The following MAST1 variants were observed in gnomAD, a reference collection of about 807,000 sequenced individuals.
MAST1 encodes microtubule associated serine/threonine kinase 1, also known as microtubule-associated serine/threonine-protein kinase 1.
MAST1 carries 40 observed loss-of-function variants against 124.6 expected under a neutral mutation model. The observed-to-expected ratio is 0.32, with a 90% CI of 0.25 to 0.42. MAST1 has a LOEUF of 0.42. Ranked by LOEUF, MAST1 falls within the 10% of genes least tolerant of loss-of-function variation. The probability of loss-of-function intolerance (pLI) is 1.00; values close to 1 mark genes in which losing one functional copy is unlikely to be tolerated. For synonymous variants in MAST1, 938 were observed against 939.4 expected, an observed-to-expected ratio of 1.00 and a Z score of 0.03; for missense variants, 1,558 against 2,181.9, an observed-to-expected ratio of 0.71 and a Z score of 5.70.
At chr19:12,848,143 T>G in intron 7 of MAST1, 86 bp downstream of exon 7, 2 of 1,240,348 alleles carry the variant, frequency 1.6e-6, no homozygotes, top group Non-Finnish European at 2.3e-6. Context: ...CCCACATACA[T>G]TCAGGGAGCT....
At chr19:12,856,079 T>G (rs1418402093) in intron 10 of MAST1, among the ~76,000 whole-genome samples, 1 of 152,102 alleles carries the variant, frequency 6.6e-6, no homozygotes, top group East Asian at 1.9e-4. Flanking sequence ...TTCTGTCAAT[T>G]TTTATGTCAG....
chr19:12,854,849 G>A (rs1450506434), intron 10 of MAST1, among the ~76,000 whole-genome samples: 1 of 152,170 alleles, frequency 6.6e-6, no homozygotes, highest in Non-Finnish European at 1.5e-5. Flanking sequence ...TCCCAGGCCA[G>A]CCACACTTTG....
Position 12,869,283 on chromosome 19 carries a change from C to CG in MAST1, c.2991_2992insG (p.His998AlafsTer38). On this transcript the variant is annotated frameshift_variant, in exon 22 of 26. Coordinates refer to ENST00000251472, the MANE Select transcript of MAST1 (RefSeq NM_014975.3). LOFTEE classifies it high-confidence loss of function. ...GTGACACGGATGTCTATAGTGTCCA[C>CG]CACATTGTCTGGGTGAGTACTCATG... 6.2e-7 allele frequency: 1 copy of CG among 1,613,712 alleles called. No homozygotes were observed. Among genetic ancestry groups the CG allele is most frequent in the Non-Finnish European group, 8.5e-7 (1 of 1,179,804 alleles).
At chr19:12,848,136 A>C (rs1969919328) in intron 7 of MAST1, 79 bp downstream of exon 7, 2 of 1,300,810 alleles carry the variant, frequency 1.5e-6, no homozygotes, top group Non-Finnish European at 2.1e-6. Context: ...TCTTCACCCC[A>C]CATACATTCA....
Position 12,858,625 on chromosome 19 carries a change from C to T in MAST1, c.1252C>T (p.Gln418Ter). ...QNLILRNQIQ[Q>*]AFVERDILTF... ...CTTGATCCTCCGCAACCAGATCCAG[C>T]AGGCCTTTGTGGAGCGCGATATCCT... The change falls in exon 12 of 26, where the codon CAG becomes TAG. Residue 418 changes from glutamine (Q) to a stop codon, truncating the protein, a stop_gained. Transcript: ENST00000251472. LOFTEE classifies it high-confidence loss of function. 6.2e-7 allele frequency: 1 copy of T among 1,614,262 alleles called. No individual in the cohort carries two copies. Among genetic ancestry groups the T allele is most frequent in the Non-Finnish European group, 8.5e-7 (1 of 1,180,050 alleles).
chr19:12,869,276 G>T lies in MAST1; in HGVS notation c.2984G>T (p.Ser995Ile). 1 of 1,613,952 alleles carries T rather than the reference G, an allele frequency of 6.2e-7. No homozygotes were observed. Residue 995 changes from serine (S) to isoleucine (I), a missense_variant, in exon 22 of 26, where the codon AGT becomes ATT. This residue lies in a region of MAST1 where 291 missense variants were observed against 475.8 expected (regional missense o/e 0.61). Transcript: ENST00000251472. ...TACATGGGTGACACGGATGTCTATA[G>T]TGTCCACCACATTGTCTGGGTGAGT... ...RVYMGDTDVY[S>I]VHHIVWHVEE...
Position 12,846,455 on chromosome 19 carries a change from G to C in MAST1, c.328-835G>C, listed in dbSNP as rs772836642. Reference sequence around the variant, plus strand: ...GTATTCAGAGGAGGTCTTCCCGAGGGGTGACATTGAAGCAAAAATTTGAAG... The same window carrying C: ...GTATTCAGAGGAGGTCTTCCCGAGGCGTGACATTGAAGCAAAAATTTGAAG... On this transcript the variant is annotated intron_variant, in intron 4 of 25. Coordinates refer to ENST00000251472, the MANE Select transcript of MAST1 (RefSeq NM_014975.3). 3.8e-4 allele frequency among the ~76,000 whole-genome samples: 57 copies of C among 151,948 alleles called. 1 individual carries two copies. Among genetic ancestry groups the C allele is most frequent in the Non-Finnish European group, 1.5e-4 (10 of 67,988 alleles).
chr19:12,858,006 C>CAAAAAAAAAAAAAAAAAAAAAAAAA (rs539497049), intron 10 of MAST1, among the ~76,000 whole-genome samples: 1 of 49,420 alleles, frequency 2.0e-5, no homozygotes, highest in African/African-American at 5.6e-5. Flanking sequence ...GAACCTATCT[C>CAAAAAAAAAAAAAAAAAAAAAAAAA]AAAAAAAAAA....
chr19:12,858,853 T>A (rs1294410393), intron 12 of MAST1, 114 bp downstream of exon 12: 1 of 953,222 alleles, frequency 1.0e-6, no homozygotes, highest in East Asian at 2.6e-5. Flanking sequence ...TGTATGTTTA[T>A]CCATCTATTT....
At chr19:12,858,838 C>A in intron 12 of MAST1, 99 bp downstream of exon 12, 1 of 1,127,018 alleles carries the variant, frequency 8.9e-7, no homozygotes. Context: ...ATTGATTAGT[C>A]GGCCTGTATG....
At chr19:12,858,335 G>A in intron 10 of MAST1, 27 bp from the exon 11 acceptor site, 1 of 1,594,088 alleles carries the variant, frequency 6.3e-7, no homozygotes, top group Non-Finnish European at 8.6e-7. Context: ...TGATGATGGT[G>A]GTGTGGTCTC....
chr19:12,868,730 G>A lies in MAST1; in HGVS notation c.2654G>A (p.Arg885His), dbSNP rs1296588593. 4.3e-6 allele frequency: 7 copies of A among 1,613,048 alleles called. No individual in the cohort carries two copies. Among genetic ancestry groups the A allele is most frequent in the Non-Finnish European group, 5.1e-6 (6 of 1,179,462 alleles). Residue 885 changes from arginine to histidine, a missense_variant, in exon 21 of 26, where the codon CGC becomes CAC. Physicochemically the swap from Arg to His is conservative, Grantham distance 29. This residue lies in a region of MAST1 where 287 missense variants were observed against 308.0 expected (regional missense o/e 0.93). Coordinates refer to ENST00000251472, the MANE Select transcript of MAST1 (RefSeq NM_014975.3). Reference sequence around the variant, plus strand: ...AGGGCTACCAATGACTTGGTTCTGCGCCGGGCGCGGCACCAGCAGATGTCA... The same window carrying A: ...AGGGCTACCAATGACTTGGTTCTGCACCGGGCGCGGCACCAGCAGATGTCA... The part of the protein sequence containing the change: ...GPRATNDLVL[R>H]RARHQQMSGD...
In MAST1 at chr19:12,847,483, C is replaced by CTAG. The variant is rs748892213; in HGVS notation, c.488+35_488+37dup. The CTAG allele has an allele frequency of 3.7e-6, 6 of 1,612,872 alleles. No homozygotes were observed. The East Asian group carries it at 1.1e-4, about 30-fold the overall frequency. On this transcript the variant is annotated intron_variant, in intron 5 of 25. Transcript: ENST00000251472. The surrounding 1 kb of genome is among the most constrained non-coding windows in gnomAD (Gnocchi z 5.5). Reference sequence around the variant, plus strand: ...GGCATCCCTCCTCCTTCGTACCAAGCTAGTGGTCTTAGGACTTGTGCTTAG... The same window carrying CTAG: ...GGCATCCCTCCTCCTTCGTACCAAGCTAGTAGTGGTCTTAGGACTTGTGCTTAG...
At position 12,874,289 on chromosome 19, in the gene MAST1, G is replaced by A. The variant is rs748587093; in HGVS notation, c.4132G>A (p.Gly1378Ser). 1 of 1,591,750 alleles carries A rather than the reference G, an allele frequency of 6.3e-7. No individual in the cohort carries two copies. The highest frequency in any genetic ancestry group is 8.5e-7 in the Non-Finnish European group (1 of 1,175,124). Residue 1378 changes from glycine (G) to serine (S), a missense_variant, in exon 26 of 26, where the codon GGT (glycine) becomes AGT (serine). This residue lies in a region of MAST1 where 263 missense variants were observed against 310.9 expected (regional missense o/e 0.85). Transcript: ENST00000251472. The surrounding 1 kb of genome is among the most constrained non-coding windows in gnomAD (Gnocchi z 6.6). ...CACCCCACCCCGCGCGACGACCCCC[G>A]GTGGCCGGACCCTGGAGCGGGACGT... Reference protein sequence around the residue: ...ACTPPRATTPGGRTLERDVGC... With the variant: ...ACTPPRATTPSGRTLERDVGC...
At chr19:12,840,645 A>C in intron 2 of MAST1, 111 bp downstream of exon 2, 1 of 795,746 alleles carries the variant, frequency 1.3e-6, no homozygotes, top group East Asian at 2.7e-5. Context: ...AATGGAGGCG[A>C]ACCAGTTTGG....
In MAST1 at chr19:12,874,519, C is replaced by A; in HGVS notation, c.4362C>A (p.Gly1454=). ...GAKAVVPQPL[G]ADSKGLQEPA... ...AGGCTGTGGTGCCTCAGCCTCTGGG[C>A]GCGGACTCCAAGGGGTTGCAGGAAC... The change falls in exon 26 of 26, where the codon GGC becomes GGA. Residue 1454 remains glycine (G), a synonymous_variant. Coordinates refer to ENST00000251472, the MANE Select transcript of MAST1 (RefSeq NM_014975.3). This position sits in a 1 kb window ranked among gnomAD's most constrained non-coding sequence, Gnocchi z 6.6. 1 of 1,536,090 alleles carries A rather than the reference C, an allele frequency of 6.5e-7. No homozygotes were observed.
intron 25 of MAST1, 37 bp from the exon 26 acceptor site, chr19:12,873,572 G>A (rs370619842): frequency 1.6e-5 from 25 of 1,580,298 alleles, no homozygotes; most frequent in African/African-American, 4.0e-5. Context: ...CTGGTGCTTG[G>A]GCTGTACTCA....
intron 7 of MAST1, among the ~76,000 whole-genome samples, chr19:12,850,845 T>G (rs1969950861): frequency 6.6e-6 from 1 of 152,122 alleles, no homozygotes; most frequent in Non-Finnish European, 1.5e-5. Flanking sequence ...ATTATAGGCA[T>G]GTACCACCAC....
At position 12,847,814 on chromosome 19, in the gene MAST1, A is replaced by C. The variant is rs1310646484; in HGVS notation, c.565-34A>C. ...CTCCTGGCGGCCGCAGCCTTCGGGC[A>C]CAGCCCCGCGCCCCTCCTCCGTCCC... On this transcript the variant is annotated intron_variant, in intron 6 of 25. Transcript: ENST00000251472. The surrounding 1 kb of genome is among the most constrained non-coding windows in gnomAD (Gnocchi z 5.5). 5.7e-6 allele frequency: 9 copies of C among 1,586,858 alleles called. No homozygotes were observed. The highest frequency in any genetic ancestry group is 7.7e-6 in the Non-Finnish European group (9 of 1,164,438).
Sources: allele counts gnomAD v4.1 joint callset (sites outside exome capture counted in the v4.1 genomes callset), GRCh38; gene constraint gnomAD v4.1.1; regional missense constraint gnomAD v4.1.1; non-coding constraint Gnocchi (gnomAD v3.1); transcripts MANE v1.5; gene names NCBI Gene and HGNC (gene_info 2026-07-23, HGNC 2026-07-21).